The following TLK1 variants were observed in gnomAD, a reference collection of about 807,000 sequenced individuals.
TLK1 encodes the protein serine/threonine-protein kinase tousled-like 1.
Under a neutral mutation model 105.3 loss-of-function variants are expected in TLK1, and 24 were observed. That is an observed-to-expected ratio of 0.23 (90% CI 0.17 to 0.32). The LOEUF (loss-of-function observed/expected upper bound fraction) is 0.32, where lower values mean the gene tolerates loss of function less well. Among genes scored for constraint, TLK1 ranks in the 10% least tolerant of loss-of-function variants. The pLI, the probability that TLK1 is intolerant of heterozygous loss-of-function variation, is 1.00. For synonymous variants in TLK1, 321 were observed against 310.4 expected (o/e 1.03, Z -0.36); for missense variants, 558 against 910.5 (o/e 0.61, Z 4.98).
At chr2:171,019,923 T>C (rs960805609) in intron 12 of TLK1, among the ~76,000 whole-genome samples, 3 of 151,916 alleles carry the variant, frequency 2.0e-5, no homozygotes, top group African/African-American at 7.3e-5. Context: ...CCAGACGTGG[T>C]GGTGCTCGCC....
intron 1 of TLK1, among the ~76,000 whole-genome samples, chr2:171,201,774 C>T (rs1558989628): frequency 1.3e-5 from 2 of 152,164 alleles, no homozygotes; most frequent in South Asian, 2.1e-4. Context: ...TCTTCACGCA[C>T]GGTCTCTGCA....
At chr2:171,025,249 T>C (rs1006240515) in intron 12 of TLK1, among the ~76,000 whole-genome samples, 13 of 152,158 alleles carry the variant, frequency 8.5e-5, no homozygotes, top group Admixed American at 2.6e-4. Flanking sequence ...CTTTTTCATA[T>C]TTTAGTTTAG....
At chr2:171,078,623 G>A (rs954267989) in intron 3 of TLK1, among the ~76,000 whole-genome samples, 1 of 152,168 alleles carries the variant, frequency 6.6e-6, no homozygotes, top group Non-Finnish European at 1.5e-5. Flanking sequence ...TAAACATTAA[G>A]TGATTCATTC....
At chr2:171,085,061 A>G (rs1688909954) in intron 2 of TLK1, among the ~76,000 whole-genome samples, 1 of 152,218 alleles carries the variant, frequency 6.6e-6, no homozygotes, top group Non-Finnish European at 1.5e-5. Context: ...AAAAACTACT[A>G]AAGCCAGAAA....
At chr2:171,023,146 C>G in intron 12 of TLK1, 1 of 470,860 alleles carries the variant, frequency 2.1e-6, no homozygotes, top group Non-Finnish European at 4.4e-6. Flanking sequence ...AACGGAGGCA[C>G]AAGGAGAGAT....
intron 1 of TLK1, among the ~76,000 whole-genome samples, chr2:171,212,366 C>G (rs1693634231): frequency 6.6e-6 from 1 of 150,756 alleles, no homozygotes; most frequent in African/African-American, 2.4e-5. Context: ...AACCTGACAC[C>G]CCCAATTTTC....
chr2:171,072,766 C>G (rs1688320496), intron 3 of TLK1, among the ~76,000 whole-genome samples: 1 of 149,654 alleles, frequency 6.7e-6, no homozygotes, highest in African/African-American at 2.5e-5. Context: ...AAAACTCCAT[C>G]TCAAAGAAAA....
At chr2:171,157,361 G>A (rs1320580943) in intron 1 of TLK1, among the ~76,000 whole-genome samples, 1 of 151,958 alleles carries the variant, frequency 6.6e-6, no homozygotes, top group African/African-American at 2.4e-5. Context: ...TTTTTAACTC[G>A]TCACTCCCTT....
At chr2:171,194,822 A>G (rs1049589912) in intron 1 of TLK1, among the ~76,000 whole-genome samples, 5 of 57,496 alleles carry the variant, frequency 8.7e-5, no homozygotes, top group South Asian at 6.1e-4. Flanking sequence ...GTCTCAGGGA[A>G]AAAAAAAAAA....
intron 1 of TLK1, among the ~76,000 whole-genome samples, chr2:171,153,695 G>C (rs1393930867): frequency 7.9e-5 from 12 of 152,124 alleles, no homozygotes; most frequent in Non-Finnish European, 1.5e-5. Context: ...GGCAGACACA[G>C]GGGTCCCAGA....
At chr2:171,130,740 A>T (rs1347253298) in intron 1 of TLK1, among the ~76,000 whole-genome samples, 1 of 152,202 alleles carries the variant, frequency 6.6e-6, no homozygotes, top group East Asian at 1.9e-4. Context: ...AAAACAGGCT[A>T]GCCTACGTAG....
chr2:171,211,327 A>T (rs772214089), intron 1 of TLK1, among the ~76,000 whole-genome samples: 6 of 152,194 alleles, frequency 3.9e-5, no homozygotes, highest in Non-Finnish European at 7.3e-5. Flanking sequence ...TTTCACCACG[A>T]ATTATATCAA....
intron 3 of TLK1, 147 bp from the exon 4 acceptor site, chr2:171,061,303 T>TA: frequency 3.2e-6 from 2 of 627,754 alleles, no homozygotes; most frequent in South Asian, 4.9e-5. Context: ...ACACACAATT[T>TA]ATTTAAAAGA....
At chr2:171,011,152 C>T (rs762800198) in intron 14 of TLK1, among the ~76,000 whole-genome samples, 4 of 152,032 alleles carry the variant, frequency 2.6e-5, no homozygotes, top group South Asian at 2.1e-4. Flanking sequence ...TACATGTGTG[C>T]GCCACCACAC....
chr2:171,064,686 C>A (rs957064051), intron 3 of TLK1, among the ~76,000 whole-genome samples: 1 of 151,912 alleles, frequency 6.6e-6, no homozygotes, highest in African/African-American at 2.4e-5. Context: ...TTATAAAAGG[C>A]CAAAGAGCTC....
Position 171,123,406 on chromosome 2 carries a change from T to C in TLK1, c.140-5549A>G, listed in dbSNP as rs557262707. On this transcript the variant is annotated intron_variant, in intron 1 of 20. Coordinates refer to ENST00000431350, the MANE Select transcript of TLK1 (RefSeq NM_012290.5). Reference sequence around the variant, plus strand: ...TTAGTAGAAACAGGGTTTCACCATGTTGGCCAAGCTGTTTTTGAACTCCTA... The same window carrying C: ...TTAGTAGAAACAGGGTTTCACCATGCTGGCCAAGCTGTTTTTGAACTCCTA... 1.1e-4 allele frequency among the ~76,000 whole-genome samples: 16 copies of C among 152,274 alleles called. No homozygotes were observed. In the South Asian group the frequency reaches 1.5e-3, roughly 14 times the overall value.
intron 10 of TLK1, 66 bp downstream of exon 10, chr2:171,049,748 T>A: frequency 6.3e-7 from 1 of 1,585,862 alleles, no homozygotes; most frequent in Non-Finnish European, 8.6e-7. Context: ...TACAAATCTA[T>A]AATCTTTTAA....
At chr2:171,039,054 A>AT (rs2105410663) in intron 11 of TLK1, among the ~76,000 whole-genome samples, 1 of 152,256 alleles carries the variant, frequency 6.6e-6, no homozygotes, top group Non-Finnish European at 1.5e-5. Context: ...TCAACCTTTT[A>AT]TAACAACCAC....
intron 1 of TLK1, among the ~76,000 whole-genome samples, chr2:171,228,782 G>T (rs866420482): frequency 1.3e-5 from 2 of 152,248 alleles, no homozygotes; most frequent in Middle Eastern, 3.4e-3. Context: ...GTTTGAATCT[G>T]TGAAGGTAGC....
Sources: gnomAD v4.1 joint callset for allele counts (sites outside exome capture counted in the v4.1 genomes callset) on GRCh38, gnomAD v4.1.1 for gene constraint, MANE v1.5 for transcripts, NCBI Gene and HGNC (gene_info 2026-07-23, HGNC 2026-07-21) for gene names.